Variants in KIF6 observed in about 807,000 individuals in gnomAD.
KIF6 encodes the protein kinesin-like protein KIF6.
Under a neutral mutation model 112.7 loss-of-function variants are expected in KIF6, and 106 were observed. The observed-to-expected ratio is 0.94, with a 90% CI of 0.80 to 1.11. The LOEUF (loss-of-function observed/expected upper bound fraction) is 1.11. Ranked by LOEUF, KIF6 falls within the 50% of genes least tolerant of loss-of-function variation. The pLI, the probability that KIF6 is intolerant of heterozygous loss-of-function variation, is 0.00. For missense variants in KIF6, 929 were observed against 964.0 expected (o/e 0.96, Z 0.48); for synonymous variants, 339 against 339.9 (o/e 1.00, Z 0.03).
intron 10 of KIF6, among the ~76,000 whole-genome samples, chr6:39,557,199 C>T (rs1465332913): frequency 2.6e-5 from 4 of 151,848 alleles, no homozygotes; most frequent in Admixed American, 1.3e-4. Flanking sequence ...GGGTGTGTTT[C>T]CATTTGATAA....
At chr6:39,519,365 A>G (rs1172375393) in intron 13 of KIF6, among the ~76,000 whole-genome samples, 1 of 152,252 alleles carries the variant, frequency 6.6e-6, no homozygotes, top group African/African-American at 2.4e-5. Context: ...TTTAGCCAGT[A>G]CTAAGCATTG....
At chr6:39,663,323 T>C (rs551110877) in intron 3 of KIF6, among the ~76,000 whole-genome samples, 103 of 152,296 alleles carry the variant, frequency 6.8e-4, no homozygotes, top group African/African-American at 2.5e-3. Context: ...ACTATAAGTA[T>C]AGGACTATAA....
At position 39,596,197 on chromosome 6, in the gene KIF6, C is replaced by T. The variant is rs1243483328; in HGVS notation, c.703G>A (p.Glu235Lys). Residue 235 changes from glutamate (E) to lysine (K), a missense_variant, in exon 7 of 23, where the codon GAA (glutamate) becomes AAA (lysine). Coordinates refer to ENST00000287152, the MANE Select transcript of KIF6 (RefSeq NM_145027.6). Reference sequence around the variant, plus strand: ...TGTCGTACAGTTGCAGATCCTGGTTCCTTGCTTGACAAATGAATGGTGAAA... The same window carrying T: ...TGTCGTACAGTTGCAGATCCTGGTTTCTTGCTTGACAAATGAATGGTGAAA... ...CIFTIHLSSK[E>K]PGSATVRHAK... 1 of 1,613,996 alleles carries T rather than the reference C, an allele frequency of 6.2e-7. No individual in the cohort carries two copies. Among genetic ancestry groups the T allele is most frequent in the South Asian group, 1.1e-5 (1 of 91,082 alleles).
At chr6:39,475,883 A>T (rs1172456730) in intron 13 of KIF6, among the ~76,000 whole-genome samples, 2 of 152,166 alleles carry the variant, frequency 1.3e-5, no homozygotes, top group African/African-American at 4.8e-5. Context: ...AAGGAACAAG[A>T]TCATGTCCTT....
At chr6:39,636,212 G>C (rs1437831459) in intron 4 of KIF6, among the ~76,000 whole-genome samples, 1 of 151,934 alleles carries the variant, frequency 6.6e-6, no homozygotes. Context: ...ATGATTCTTT[G>C]GTTCTAAAAT....
At chr6:39,400,459 C>A (rs778368794) in intron 15 of KIF6, among the ~76,000 whole-genome samples, 1 of 152,204 alleles carries the variant, frequency 6.6e-6, no homozygotes, top group Non-Finnish European at 1.5e-5. Context: ...AGCTTTATAC[C>A]GGCCACACTG....
chr6:39,512,448 G>A (rs929522113), intron 13 of KIF6, among the ~76,000 whole-genome samples: 19 of 152,140 alleles, frequency 1.2e-4, no homozygotes, highest in African/African-American at 4.6e-4. Context: ...CCCACCTGCA[G>A]CCCATACCTG....
intron 7 of KIF6, among the ~76,000 whole-genome samples, chr6:39,589,668 C>T (rs898795740): frequency 6.6e-6 from 1 of 152,166 alleles, no homozygotes; most frequent in South Asian, 2.1e-4. Context: ...GGAGGAACAT[C>T]AGATCTGCGG....
At chr6:39,421,780 CACCT>C (rs1770388755) in intron 14 of KIF6, among the ~76,000 whole-genome samples, 4 of 152,208 alleles carry the variant, frequency 2.6e-5, no homozygotes, top group African/African-American at 9.6e-5. Flanking sequence ...GACGGCCTGT[CACCT>C]TCCAGGGAGA....
At chr6:39,354,217 AG>A (rs757828203) in intron 19 of KIF6, 9 of 277,896 alleles carry the variant, frequency 3.2e-5, no homozygotes, top group Non-Finnish European at 5.8e-5. Flanking sequence ...CTGCCCTTGC[AG>A]GGTACACAGA....
intron 9 of KIF6, among the ~76,000 whole-genome samples, chr6:39,578,504 A>T (rs1001797121): frequency 6.6e-6 from 1 of 151,022 alleles, no homozygotes; most frequent in African/African-American, 2.4e-5. Flanking sequence ...AATCTTTTGT[A>T]TTTTTTTTAG....
rs9471099 is a variant in KIF6 at position 39,419,470 on chromosome 6, C to T, written c.1810+478G>A. ...AGTGGGGAGCCCTCCGTGGCAGCCT[C>T]CACCTTGGGAAGGCACGATGGCTTG... On this transcript the variant is annotated intron_variant, in intron 15 of 22. Transcript: ENST00000287152. 7.1e-3 allele frequency among the ~76,000 whole-genome samples: 1,079 copies of T among 152,244 alleles called. 11 individuals are homozygous for T. The highest frequency in any genetic ancestry group is 0.024 in the African/African-American group (1,016 of 41,544).
intron 2 of KIF6, among the ~76,000 whole-genome samples, chr6:39,717,536 C>A (rs762126522): frequency 3.9e-5 from 6 of 152,148 alleles, no homozygotes; most frequent in Non-Finnish European, 5.9e-5. Flanking sequence ...CTTCACCCCC[C>A]TCATCCAGCA....
At chr6:39,406,935 T>C (rs965681679) in intron 15 of KIF6, among the ~76,000 whole-genome samples, 1 of 152,144 alleles carries the variant, frequency 6.6e-6, no homozygotes, top group African/African-American at 2.4e-5. Context: ...TTTCTTTTTT[T>C]TGGTAGAGAT....
chr6:39,526,870 G>T (rs1777769180), intron 13 of KIF6, among the ~76,000 whole-genome samples: 1 of 152,190 alleles, frequency 6.6e-6, no homozygotes, highest in South Asian at 2.1e-4. Context: ...CAAAAGAGAG[G>T]ATGAGATGGA....
At chr6:39,434,641 G>A (rs1771402100) in intron 13 of KIF6, among the ~76,000 whole-genome samples, 1 of 152,084 alleles carries the variant, frequency 6.6e-6, no homozygotes, top group African/African-American at 2.4e-5. Flanking sequence ...TATTTACAAT[G>A]GAGGTTGCTG....
chr6:39,365,420 C>A (rs1765486232), intron 16 of KIF6, among the ~76,000 whole-genome samples: 2 of 152,322 alleles, frequency 1.3e-5, no homozygotes, highest in South Asian at 4.2e-4. Context: ...GCACAGGAAG[C>A]CCTCAAGGGC....
chr6:39,721,075 G>T (rs1372477976), intron 1 of KIF6, among the ~76,000 whole-genome samples: 6 of 152,102 alleles, frequency 3.9e-5, no homozygotes, highest in Admixed American at 2.0e-4. Flanking sequence ...ATAAGTATTT[G>T]ACTATCTCTG....
intron 8 of KIF6, 110 bp downstream of exon 8, chr6:39,586,151 A>G (rs1781616097): frequency 1.9e-6 from 2 of 1,048,124 alleles, no homozygotes; most frequent in Admixed American, 2.0e-5. Context: ...CTGCCCTCTG[A>G]AGGCATACCC....
Sources: gnomAD v4.1 joint callset for allele counts (sites outside exome capture counted in the v4.1 genomes callset) on GRCh38, gnomAD v4.1.1 for gene constraint, MANE v1.5 for transcripts, NCBI Gene and HGNC (gene_info 2026-07-23, HGNC 2026-07-21) for gene names.